SLC8B1: variants seen among roughly 807,000 people sequenced by gnomAD.
SLC8B1 encodes the protein mitochondrial sodium/calcium exchanger protein.
In SLC8B1, 52 loss-of-function variants were observed where a neutral mutation model predicts 63.4. That is an observed-to-expected ratio of 0.82 (90% CI 0.66 to 1.03). The LOEUF (loss-of-function observed/expected upper bound fraction) is 1.03, where lower values mean the gene tolerates loss of function less well. SLC8B1 is among the 50% of genes least tolerant of loss of function. The pLI is 0.00. For missense variants in SLC8B1, 657 were observed against 741.7 expected, an observed-to-expected ratio of 0.89 and a Z score of 1.33; for synonymous variants, 336 against 323.9, an observed-to-expected ratio of 1.04 and a Z score of -0.40.
At chr12:113,327,741 G>C (rs1055444982) in intron 2 of SLC8B1, among the ~76,000 whole-genome samples, 2 of 151,332 alleles carry the variant, frequency 1.3e-5, no homozygotes, top group African/African-American at 2.4e-5. Flanking sequence ...CCAGCACTTT[G>C]GGAGGCCAAG....
chr12:113,314,675 G>C (rs1017613744), intron 11 of SLC8B1, among the ~76,000 whole-genome samples: 1 of 152,190 alleles, frequency 6.6e-6, no homozygotes, highest in Non-Finnish European at 1.5e-5. Flanking sequence ...CACCCCATAG[G>C]GGGTGCCCCT....
rs912624777 is a variant in SLC8B1 at position 113,305,353 on chromosome 12, G to A, written c.1493-968C>T. 3.3e-5 allele frequency among the ~76,000 whole-genome samples: 5 copies of A among 152,238 alleles called. No individual in the cohort carries two copies. Among genetic ancestry groups the A allele is most frequent in the African/African-American group, 4.8e-5 (2 of 41,464 alleles). ...GTCTCCGCAGTTAGCCTGTTTTGCC[G>A]GCCAACTGCTCACACTGCAGCCCCT... On this transcript the variant is annotated intron_variant, in intron 14 of 15. Coordinates refer to ENST00000680972, the MANE Select transcript of SLC8B1 (RefSeq NM_001358345.2). This position sits in a 1 kb window ranked among gnomAD's most constrained non-coding sequence, Gnocchi z 4.3.
intron 12 of SLC8B1, among the ~76,000 whole-genome samples, chr12:113,309,716 A>C (rs552743875): frequency 6.6e-6 from 1 of 152,306 alleles, no homozygotes; most frequent in African/African-American, 2.4e-5. Context: ...TGACTGTACC[A>C]CTGCACTCTA....
At chr12:113,310,927 G>A (rs1003804754) in intron 11 of SLC8B1, among the ~76,000 whole-genome samples, 5 of 152,222 alleles carry the variant, frequency 3.3e-5, no homozygotes, top group African/African-American at 1.2e-4. Flanking sequence ...TAAAGACGAT[G>A]AATAGTTCAA....
At position 113,311,027 on chromosome 12, in the gene SLC8B1, TGAG is replaced by T. The variant is rs565170788; in HGVS notation, c.1136-675_1136-673del. Among the ~76,000 whole-genome samples, 56 of 152,306 alleles carry T rather than the reference TGAG, an allele frequency of 3.7e-4. No individual in the cohort carries two copies. In the East Asian group the frequency reaches 0.01, roughly 27 times the overall value. On this transcript the variant is annotated intron_variant, in intron 11 of 15. Transcript: ENST00000680972. The stretch of plus-strand genomic sequence containing the variant: ...AATGACAGGGGGCTTAAGAATTATG[TGAG>T]GAGGCCGGGTGTGGTGACTCATGCC...
chr12:113,312,724 C>T (rs989651364), intron 11 of SLC8B1, among the ~76,000 whole-genome samples: 5 of 152,280 alleles, frequency 3.3e-5, no homozygotes, highest in African/African-American at 7.2e-5. Flanking sequence ...GAAGATACTA[C>T]ATGCTGCAGA....
chr12:113,329,824 C>A (rs1162565929), intron 2 of SLC8B1, among the ~76,000 whole-genome samples: 1 of 152,152 alleles, frequency 6.6e-6, no homozygotes, highest in African/African-American at 2.4e-5. Flanking sequence ...GCTCTAAAGC[C>A]TCCCATGGCT....
rs1183157653 is a variant in SLC8B1 at position 113,316,588 on chromosome 12, G to T, written c.931C>A (p.Pro311Thr). The change falls in exon 10 of 16, where the codon CCC becomes ACC. Residue 311 changes from proline to threonine, a missense_variant. Transcript: ENST00000680972. ...CTTCTCCACTTCATGTAATCCAGGG[G>T]ATTGAGGGCCCGGACCAGGATCTGA... ...TAQILVRALNPLDYMKWRRKS... is the reference protein window; with the variant it reads ...TAQILVRALNTLDYMKWRRKS... 1 of 1,614,226 alleles carries T rather than the reference G, an allele frequency of 6.2e-7. No individual in the cohort carries two copies. Among genetic ancestry groups the T allele is most frequent in the East Asian group, 2.2e-5 (1 of 44,888 alleles).
At chr12:113,322,280 C>T (rs143209943) in intron 2 of SLC8B1, among the ~76,000 whole-genome samples, 3,003 of 152,254 alleles carry the variant, frequency 0.02, 46 homozygotes, top group Middle Eastern at 0.031. Flanking sequence ...GAGACAATGT[C>T]CGTGTGCACT....
chr12:113,328,674 C>A (rs920345085), intron 2 of SLC8B1, among the ~76,000 whole-genome samples: 4 of 151,962 alleles, frequency 2.6e-5, no homozygotes, highest in Admixed American at 2.6e-4. Context: ...CCACCCAATT[C>A]TTGGTTCCCA....
intron 2 of SLC8B1, among the ~76,000 whole-genome samples, chr12:113,325,565 A>ATTTTTTTTT (rs57635916): frequency 7.1e-6 from 1 of 140,140 alleles, no homozygotes; most frequent in Non-Finnish European, 1.6e-5. Flanking sequence ...CCTGGCCTTA[A>ATTTTTTTTT]TTTTTTTTTT....
chr12:113,317,022 T>C, intron 8 of SLC8B1, 21 bp from the exon 9 acceptor site: 1 of 1,608,900 alleles, frequency 6.2e-7, no homozygotes. Context: ...GAGGCCCAGT[T>C]ACATACAGAA....
intron 7 of SLC8B1, 39 bp from the exon 8 acceptor site, chr12:113,319,110 G>A (rs781569236): frequency 6.6e-7 from 1 of 1,509,904 alleles, no homozygotes; most frequent in East Asian, 2.3e-5. Flanking sequence ...GTGGTGTCCT[G>A]GTGCAGGTCT....
chr12:113,333,452 G>A (rs1402419383), intron 1 of SLC8B1, among the ~76,000 whole-genome samples: 9 of 152,232 alleles, frequency 5.9e-5, no homozygotes, highest in Non-Finnish European at 1.3e-4. Context: ...AAGCAATGCT[G>A]TTGTTCTGTG....
At chr12:113,329,581 T>A (rs1356868900) in intron 2 of SLC8B1, among the ~76,000 whole-genome samples, 1 of 152,002 alleles carries the variant, frequency 6.6e-6, no homozygotes, top group East Asian at 1.9e-4. Context: ...TCAGGACCCC[T>A]CCCCAGCTCT....
At position 113,320,443 on chromosome 12, in the gene SLC8B1, G is replaced by A. The variant is rs1260298471; in HGVS notation, c.582C>T (p.Pro194=). The change falls in exon 7 of 16, where the codon CCC becomes CCT. Residue 194 remains proline (P), a synonymous_variant. Transcript: ENST00000680972. This position sits in a 1 kb window ranked among gnomAD's most constrained non-coding sequence, Gnocchi z 5.3. ...AGAAGGGCCTGGAGGCAGCCATGAA[G>A]GGGTGTAGGATGGTAATGCCTCCGG... The part of the protein sequence containing the change: ...VVAGGITILH[P]FMAASRPFFR... The A allele has an allele frequency of 8.7e-6, 14 of 1,614,184 alleles. No individual in the cohort carries two copies. The highest frequency in any genetic ancestry group is 1.1e-5 in the Non-Finnish European group (13 of 1,180,026).
intron 14 of SLC8B1, among the ~76,000 whole-genome samples, chr12:113,304,817 A>C (rs962695610): frequency 6.6e-5 from 10 of 152,120 alleles, no homozygotes; most frequent in African/African-American, 2.4e-4. Flanking sequence ...TGCCCAGGCA[A>C]ATCTCAAATC....
At position 113,301,574 on chromosome 12, in the gene SLC8B1, A is replaced by G. The variant is rs1007628542; in HGVS notation, c.1558-1600T>C. Among the ~76,000 whole-genome samples the G allele has an allele frequency of 2.6e-5, 4 of 152,102 alleles. No individual in the cohort carries two copies. The East Asian group carries it at 7.7e-4, about 29-fold the overall frequency. On this transcript the variant is annotated intron_variant, in intron 15 of 15. Transcript: ENST00000680972. The stretch of plus-strand genomic sequence containing the variant: ...GACTGTTCTCGAACTCCTGACCTCA[A>G]GTGATCTGCCCACCATGGCCTCCCA...
intron 14 of SLC8B1, among the ~76,000 whole-genome samples, chr12:113,304,880 G>A (rs1444438628): frequency 6.6e-6 from 1 of 152,208 alleles, no homozygotes; most frequent in African/African-American, 2.4e-5. Context: ...TGAGATTACA[G>A]GTATGAACCA....
Sources: gnomAD v4.1 joint callset for allele counts (sites outside exome capture counted in the v4.1 genomes callset) on GRCh38, gnomAD v4.1.1 for gene constraint, Gnocchi (gnomAD v3.1) non-coding constraint, MANE v1.5 for transcripts, NCBI Gene and HGNC (gene_info 2026-07-23, HGNC 2026-07-21) for gene names.